The following ASAP1 variants were observed in gnomAD, a reference collection of about 807,000 sequenced individuals.
The protein encoded by ASAP1 is arf-GAP with SH3 domain, ANK repeat and PH domain-containing protein 1.
Under a neutral mutation model 145.2 loss-of-function variants are expected in ASAP1, and 43 were observed. The observed-to-expected ratio is 0.30, with a 90% CI of 0.23 to 0.38. The LOEUF is 0.38. Among genes scored for constraint, ASAP1 ranks in the 10% least tolerant of loss-of-function variants. ASAP1 has a pLI of 1.00. For missense variants in ASAP1, 1,018 were observed against 1,355.3 expected (o/e 0.75, Z 3.91); for synonymous variants, 546 against 515.5 (o/e 1.06, Z -0.80).
chr8:130,368,832 C>A (rs1827083289), intron 2 of ASAP1, among the ~76,000 whole-genome samples: 2 of 152,274 alleles, frequency 1.3e-5, no homozygotes, highest in East Asian at 1.9e-4. Context: ...CTATCCCATG[C>A]CTAATGTTAG....
At chr8:130,359,212 CTT>C (rs532399535) in intron 2 of ASAP1, among the ~76,000 whole-genome samples, 1 of 149,308 alleles carries the variant, frequency 6.7e-6, no homozygotes, top group African/African-American at 2.5e-5. Context: ...TTCATTTGCA[CTT>C]TTTTTTTTAA....
intron 27 of ASAP1, among the ~76,000 whole-genome samples, chr8:130,068,646 G>C (rs563190630): frequency 2.1e-4 from 32 of 152,298 alleles, no homozygotes; most frequent in Middle Eastern, 6.8e-3. Context: ...AGACACACAG[G>C]AGGCTATTCC....
intron 3 of ASAP1, among the ~76,000 whole-genome samples, chr8:130,291,952 CACTG>C (rs1821972316): frequency 6.6e-6 from 1 of 152,162 alleles, no homozygotes; most frequent in Non-Finnish European, 1.5e-5. Context: ...CTTGTCTATT[CACTG>C]TGAGGGACCA....
intron 3 of ASAP1, among the ~76,000 whole-genome samples, chr8:130,289,021 C>T (rs1338458593): frequency 6.6e-6 from 1 of 152,096 alleles, no homozygotes; most frequent in East Asian, 1.9e-4. Context: ...CTTGTCTCTA[C>T]TAAAAATACA....
chr8:130,154,610 A>G (rs945299499), intron 12 of ASAP1, among the ~76,000 whole-genome samples: 15 of 152,212 alleles, frequency 9.9e-5, no homozygotes, highest in Admixed American at 9.2e-4. Flanking sequence ...GTATCATCTT[A>G]TGTTTTTCTT....
At chr8:130,261,135 C>T (rs1168991056) in intron 3 of ASAP1, among the ~76,000 whole-genome samples, 2 of 152,148 alleles carry the variant, frequency 1.3e-5, no homozygotes, top group African/African-American at 2.4e-5. Flanking sequence ...AATCTGCTGG[C>T]CCCTCAGCTC....
chr8:130,321,017 A>G (rs949733238), intron 3 of ASAP1, among the ~76,000 whole-genome samples: 2 of 152,212 alleles, frequency 1.3e-5, no homozygotes, highest in Admixed American at 6.5e-5. Context: ...TCCCAAATAT[A>G]TAAATCAAGA....
intron 13 of ASAP1, among the ~76,000 whole-genome samples, chr8:130,145,420 C>A (rs948855837): frequency 3.3e-5 from 5 of 151,910 alleles, no homozygotes; most frequent in Non-Finnish European, 5.9e-5. Context: ...TGGGTTCAAG[C>A]GATTCTCCTG....
chr8:130,305,232 G>T (rs1822919935), intron 3 of ASAP1, among the ~76,000 whole-genome samples: 1 of 152,078 alleles, frequency 6.6e-6, no homozygotes, highest in South Asian at 2.1e-4. Context: ...TTTCTTGACT[G>T]CCTGTCCCCA....
chr8:130,166,518 G>A (rs1424996720), intron 11 of ASAP1, among the ~76,000 whole-genome samples: 1 of 152,102 alleles, frequency 6.6e-6, no homozygotes, highest in African/African-American at 2.4e-5. Flanking sequence ...GCAGCCCCTT[G>A]AATATGCTGG....
chr8:130,442,976 G>A lies in ASAP1; in HGVS notation c.-28+484C>T, dbSNP rs914688257. Among the ~76,000 whole-genome samples, 88 of 152,244 alleles carry A rather than the reference G, an allele frequency of 5.8e-4. 1 individual carries two copies. Among genetic ancestry groups the A allele is most frequent in the Admixed American group, 5.1e-3 (78 of 15,292 alleles). On this transcript the variant is annotated intron_variant, in intron 1 of 29. Coordinates refer to ENST00000518721, the MANE Select transcript of ASAP1 (RefSeq NM_018482.4). ...TTTCGTTTCTCTTCTTTTGCTTTAGGCAAGTGGCCTGGGGCCTGCCAAGCA... is the reference window on the plus strand; with the variant it reads ...TTTCGTTTCTCTTCTTTTGCTTTAGACAAGTGGCCTGGGGCCTGCCAAGCA...
At chr8:130,284,897 GAGAA>G (rs1184018082) in intron 3 of ASAP1, among the ~76,000 whole-genome samples, 3 of 147,476 alleles carry the variant, frequency 2.0e-5, no homozygotes, top group East Asian at 4.2e-4. Flanking sequence ...GAGAGAGAGA[GAGAA>G]AGAGAGAGAG....
chr8:130,080,046 G>A (rs1025789688), intron 25 of ASAP1, 75 bp from the exon 26 acceptor site: 1 of 1,341,056 alleles, frequency 7.5e-7, no homozygotes, highest in Non-Finnish European at 1.1e-6. Flanking sequence ...GGTTTGGCCT[G>A]TAGACAGGCA....
intron 4 of ASAP1, among the ~76,000 whole-genome samples, chr8:130,219,426 A>G (rs1817153671): frequency 6.6e-6 from 1 of 152,146 alleles, no homozygotes; most frequent in Non-Finnish European, 1.5e-5. Context: ...AAGCCATCTG[A>G]GGGGAATGTC....
At chr8:130,365,437 AT>A (rs1826905707) in intron 2 of ASAP1, among the ~76,000 whole-genome samples, 2 of 152,212 alleles carry the variant, frequency 1.3e-5, no homozygotes, top group African/African-American at 4.8e-5. Context: ...GAAGAAAAAA[AT>A]CATGGTGTTT....
intron 7 of ASAP1, among the ~76,000 whole-genome samples, chr8:130,184,171 T>C (rs1814557676): frequency 6.6e-6 from 1 of 152,206 alleles, no homozygotes; most frequent in South Asian, 2.1e-4. Flanking sequence ...CCATTCAGAT[T>C]AGCAATGAAT....
At chr8:130,378,568 G>A (rs922183885) in intron 2 of ASAP1, among the ~76,000 whole-genome samples, 1 of 152,228 alleles carries the variant, frequency 6.6e-6, no homozygotes, top group Non-Finnish European at 1.5e-5. Flanking sequence ...GATTGGAGCT[G>A]AGGTCAGACG....
At position 130,252,058 on chromosome 8, in the gene ASAP1, T is replaced by C. The variant is rs574744637; in HGVS notation, c.187-15064A>G. Reference sequence around the variant, plus strand: ...GTGTATTATCAAATGTTCTAAATCATCATTAGCAGTGTTTTATAGAAAGTT... The same window carrying C: ...GTGTATTATCAAATGTTCTAAATCACCATTAGCAGTGTTTTATAGAAAGTT... On this transcript the variant is annotated intron_variant, in intron 3 of 29. Transcript: ENST00000518721. Among the ~76,000 whole-genome samples the C allele has an allele frequency of 3.8e-3, 571 of 152,266 alleles. 2 individuals are homozygous for C. The highest frequency in any genetic ancestry group is 5.5e-3 in the Non-Finnish European group (372 of 67,990).
chr8:130,203,377 G>GTCCAGCCATGCTCCCCTGAAC (rs1420794211), intron 5 of ASAP1, among the ~76,000 whole-genome samples: 3 of 152,216 alleles, frequency 2.0e-5, no homozygotes, highest in Non-Finnish European at 2.9e-5. Context: ...GAAGCCTGAA[G>GTCCAGCCATGCTCCCCTGAAC]TCCAGCCATG....
Sources: gnomAD v4.1 joint callset for allele counts (sites outside exome capture counted in the v4.1 genomes callset) on GRCh38, gnomAD v4.1.1 for gene constraint, MANE v1.5 for transcripts, NCBI Gene and HGNC (gene_info 2026-07-23, HGNC 2026-07-21) for gene names.